SGCZ: variants seen among roughly 807,000 people sequenced by gnomAD.
SGCZ encodes the protein zeta-sarcoglycan.
SGCZ carries 40 observed loss-of-function variants against 41.3 expected under a neutral mutation model. The observed-to-expected ratio is 0.97, with a 90% CI of 0.75 to 1.26. The LOEUF (loss-of-function observed/expected upper bound fraction) is 1.26. Ranked by LOEUF, SGCZ falls within the 50% of genes most tolerant of loss-of-function variation. SGCZ has a pLI of 0.00. For missense variants in SGCZ, 552 were observed against 369.8 expected (o/e 1.49, Z -4.04); for synonymous variants, 206 against 137.5 (o/e 1.50, Z -3.49).
intron 2 of SGCZ, among the ~76,000 whole-genome samples, chr8:14,438,641 A>C (rs1051004274): frequency 6.6e-6 from 1 of 152,020 alleles, no homozygotes; most frequent in Admixed American, 6.6e-5. Context: ...AATTTGGATA[A>C]ATTTTGTATT....
chr8:14,500,545 G>A (rs908427177), intron 2 of SGCZ, among the ~76,000 whole-genome samples: 18 of 151,548 alleles, frequency 1.2e-4, no homozygotes, highest in African/African-American at 4.4e-4. Flanking sequence ...TCAAGATACA[G>A]CAAAAAAAGT....
At chr8:14,857,117 C>G (rs115625541) in intron 1 of SGCZ, among the ~76,000 whole-genome samples, 1 of 152,074 alleles carries the variant, frequency 6.6e-6, no homozygotes, top group Non-Finnish European at 1.5e-5. Flanking sequence ...TTTAAAAGTG[C>G]GTAGCGCCTC....
At chr8:14,196,781 A>T (rs1163696978) in intron 4 of SGCZ, among the ~76,000 whole-genome samples, 1 of 152,202 alleles carries the variant, frequency 6.6e-6, no homozygotes, top group Non-Finnish European at 1.5e-5. Context: ...ACCAGCCGCC[A>T]AAACTATACA....
At chr8:15,172,154 GTTTTTTTTTTTT>G (rs1183210302) in intron 1 of SGCZ, among the ~76,000 whole-genome samples, 2 of 71,774 alleles carry the variant, frequency 2.8e-5, no homozygotes, top group African/African-American at 5.1e-5. Context: ...TTTATACTCT[GTTTTTTTTTTTT>G]TTTTTTTTTT....
chr8:14,315,165 A>G (rs1294044941), intron 3 of SGCZ, among the ~76,000 whole-genome samples: 2 of 152,150 alleles, frequency 1.3e-5, no homozygotes, highest in African/African-American at 4.8e-5. Context: ...TGCATCACTT[A>G]TATTTCCTAA....
At chr8:14,918,775 G>A (rs1799510110) in intron 1 of SGCZ, among the ~76,000 whole-genome samples, 1 of 152,224 alleles carries the variant, frequency 6.6e-6, no homozygotes, top group African/African-American at 2.4e-5. Context: ...TATCTTCAGA[G>A]AATCAGCCTT....
Position 14,549,902 on chromosome 8 carries a change from T to C in SGCZ, c.234+4830A>G, listed in dbSNP as rs550219126. Reference sequence around the variant, plus strand: ...ACAAGTTAGTTTAGATGGGAATTAATTGTTAAGAGTTAAGTTGGTAAGGTC... The same window carrying C: ...ACAAGTTAGTTTAGATGGGAATTAACTGTTAAGAGTTAAGTTGGTAAGGTC... On this transcript the variant is annotated intron_variant, in intron 2 of 7. Coordinates refer to ENST00000382080, the MANE Select transcript of SGCZ (RefSeq NM_139167.4). Among the ~76,000 whole-genome samples, 40 of 152,158 alleles carry C rather than the reference T, an allele frequency of 2.6e-4. 1 individual carries two copies. The highest frequency in any genetic ancestry group is 2.4e-3 in the Admixed American group (36 of 15,256).
At chr8:14,774,707 G>T (rs1800346730) in intron 1 of SGCZ, among the ~76,000 whole-genome samples, 1 of 152,204 alleles carries the variant, frequency 6.6e-6, no homozygotes, top group Non-Finnish European at 1.5e-5. Flanking sequence ...GAAATCGCTA[G>T]CTTGAAATGT....
chr8:14,892,365 C>A (rs1805047630), intron 1 of SGCZ, among the ~76,000 whole-genome samples: 1 of 152,092 alleles, frequency 6.6e-6, no homozygotes, highest in Admixed American at 6.6e-5. Flanking sequence ...TAAATGTGAG[C>A]TTACTGCACT....
chr8:15,210,412 G>T (rs565650765), intron 1 of SGCZ, among the ~76,000 whole-genome samples: 2 of 152,010 alleles, frequency 1.3e-5, no homozygotes, highest in African/African-American at 2.4e-5. Flanking sequence ...CCGTAATACT[G>T]TTCCTTCTCC....
At chr8:15,022,879 G>T (rs1291517228) in intron 1 of SGCZ, among the ~76,000 whole-genome samples, 6 of 152,150 alleles carry the variant, frequency 3.9e-5, no homozygotes, top group South Asian at 2.1e-4. Flanking sequence ...AGACGTTAAG[G>T]TTTATAGAGT....
chr8:15,056,499 G>C (rs987692207), intron 1 of SGCZ, among the ~76,000 whole-genome samples: 3 of 151,160 alleles, frequency 2.0e-5, no homozygotes, highest in African/African-American at 7.3e-5. Context: ...ATGAATACAT[G>C]AATGATGTTG....
chr8:14,997,739 C>T (rs189275102), intron 1 of SGCZ, among the ~76,000 whole-genome samples: 162 of 152,246 alleles, frequency 1.1e-3, no homozygotes, highest in Non-Finnish European at 1.7e-3. Flanking sequence ...GCAGGCGGAC[C>T]ACTTGAGGTC....
At chr8:15,181,037 A>G (rs1800160021) in intron 1 of SGCZ, among the ~76,000 whole-genome samples, 1 of 152,212 alleles carries the variant, frequency 6.6e-6, no homozygotes, top group Non-Finnish European at 1.5e-5. Context: ...TCTTTCAATT[A>G]GCAATGTTAA....
intron 2 of SGCZ, among the ~76,000 whole-genome samples, chr8:14,545,782 A>G (rs1437320142): frequency 6.6e-6 from 1 of 151,988 alleles, no homozygotes; most frequent in Non-Finnish European, 1.5e-5. Context: ...ACAAGTCTCT[A>G]ATTTCTGTAT....
At chr8:14,730,360 G>T (rs1188162243) in intron 1 of SGCZ, among the ~76,000 whole-genome samples, 1 of 152,112 alleles carries the variant, frequency 6.6e-6, no homozygotes, top group African/African-American at 2.4e-5. Context: ...TACTGGGGTG[G>T]AGTGAGGAGA....
intron 2 of SGCZ, among the ~76,000 whole-genome samples, chr8:14,362,192 T>G (rs1803543163): frequency 6.6e-6 from 1 of 152,152 alleles, no homozygotes. Flanking sequence ...TCGCACACCA[T>G]ACTGGGAGAA....
intron 1 of SGCZ, among the ~76,000 whole-genome samples, chr8:15,023,850 G>C (rs1209819254): frequency 2.0e-5 from 3 of 152,128 alleles, no homozygotes; most frequent in Admixed American, 2.0e-4. Flanking sequence ...ATTTTTCAAA[G>C]TTAACCTGAC....
chr8:15,042,886 G>T (rs1804159772), intron 1 of SGCZ, among the ~76,000 whole-genome samples: 1 of 152,050 alleles, frequency 6.6e-6, no homozygotes, highest in Admixed American at 6.6e-5. Context: ...TATCACATGG[G>T]GCATATATTG....
Sources: allele counts gnomAD v4.1 joint callset (sites outside exome capture counted in the v4.1 genomes callset), GRCh38; gene constraint gnomAD v4.1.1; transcripts MANE v1.5; gene names NCBI Gene and HGNC (gene_info 2026-07-23, HGNC 2026-07-21).